The following SH3RF3 variants were observed in gnomAD, a reference collection of about 807,000 sequenced individuals.
SH3RF3 encodes SH3 domain containing ring finger 3.
SH3RF3 carries 29 observed loss-of-function variants against 66.3 expected under a neutral mutation model. The ratio of observed to expected loss-of-function variants is 0.44; its 90% CI spans 0.33 to 0.60. The LOEUF is 0.60. Among genes scored for constraint, SH3RF3 ranks in the 20% least tolerant of loss-of-function variants. SH3RF3 has a pLI of 0.04. For missense variants in SH3RF3, 1,194 were observed against 1,190.9 expected, an observed-to-expected ratio of 1.00 and a Z score of -0.04; for synonymous variants, 583 against 532.0, an observed-to-expected ratio of 1.10 and a Z score of -1.32.
intron 1 of SH3RF3, among the ~76,000 whole-genome samples, chr2:109,347,069 G>A (rs1319124249): frequency 1.3e-5 from 2 of 152,182 alleles, no homozygotes; most frequent in East Asian, 3.9e-4. Context: ...TCAGCACGAC[G>A]GATGCCATGC....
chr2:109,190,326 A>G (rs1238062205), intron 1 of SH3RF3, among the ~76,000 whole-genome samples: 1 of 152,216 alleles, frequency 6.6e-6, no homozygotes, highest in African/African-American at 2.4e-5. Context: ...GGCATCTGCC[A>G]CCACGCCTGG....
At chr2:109,338,542 A>G (rs1682481596) in intron 1 of SH3RF3, among the ~76,000 whole-genome samples, 1 of 152,092 alleles carries the variant, frequency 6.6e-6, no homozygotes, top group South Asian at 2.1e-4. Context: ...GGCACAGTCA[A>G]AAACCTGTGT....
At chr2:109,132,871 G>C (rs1223943009) in intron 1 of SH3RF3, among the ~76,000 whole-genome samples, 4 of 152,182 alleles carry the variant, frequency 2.6e-5, no homozygotes, top group Admixed American at 1.3e-4. Context: ...AGAGTTTTGT[G>C]GTTCCACATT....
chr2:109,147,667 G>T (rs1012101354), intron 1 of SH3RF3, among the ~76,000 whole-genome samples: 1 of 152,216 alleles, frequency 6.6e-6, no homozygotes, highest in African/African-American at 2.4e-5. Flanking sequence ...AATTGCCCAT[G>T]AAGTGACCTT....
chr2:109,396,296 C>T (rs898155980), intron 3 of SH3RF3, among the ~76,000 whole-genome samples: 1 of 152,166 alleles, frequency 6.6e-6, no homozygotes, highest in Non-Finnish European at 1.5e-5. Context: ...AACAGCTGAG[C>T]CTGGTTGGAG....
Position 109,461,648 on chromosome 2 carries a change from T to G in SH3RF3, c.2148+12159T>G, listed in dbSNP as rs1342051643. Among the ~76,000 whole-genome samples, 5 of 116,484 alleles carry G rather than the reference T, an allele frequency of 4.3e-5. No individual in the cohort carries two copies. In the East Asian group the frequency reaches 1.4e-3, roughly 32 times the overall value. 76.4% of individuals were successfully genotyped at this position (116,484 alleles called of 152,430 possible). On this transcript the variant is annotated intron_variant, in intron 8 of 9. Coordinates refer to ENST00000309415, the MANE Select transcript of SH3RF3 (RefSeq NM_001099289.3). ...TGATCCACCTGCCAGAGGCCCCACGTAGCATCCCTGTCTGTCCTAAAGACC... is the reference window on the plus strand; with the variant it reads ...TGATCCACCTGCCAGAGGCCCCACGGAGCATCCCTGTCTGTCCTAAAGACC...
chr2:109,302,540 G>A (rs1406557907), intron 1 of SH3RF3, among the ~76,000 whole-genome samples: 1 of 152,228 alleles, frequency 6.6e-6, no homozygotes, highest in Non-Finnish European at 1.5e-5. Context: ...CTAGGAGCTT[G>A]GGGACCAGGC....
At chr2:109,347,567 C>G in intron 1 of SH3RF3, 107 bp from the exon 2 acceptor site, 1 of 1,448,810 alleles carries the variant, frequency 6.9e-7, no homozygotes, top group Non-Finnish European at 9.3e-7. Context: ...GTATGCACCC[C>G]CAGGACACAG....
intron 1 of SH3RF3, among the ~76,000 whole-genome samples, chr2:109,178,098 C>A (rs1391862061): frequency 6.6e-6 from 1 of 152,186 alleles, no homozygotes; most frequent in Admixed American, 6.5e-5. Flanking sequence ...AAAATATTTT[C>A]TCTTTCTATA....
chr2:109,322,511 C>G (rs984598436), intron 1 of SH3RF3, among the ~76,000 whole-genome samples: 3 of 152,170 alleles, frequency 2.0e-5, no homozygotes, highest in African/African-American at 4.8e-5. Context: ...CTAAATAAGC[C>G]TATAAATAAT....
At chr2:109,337,373 C>T (rs927345906) in intron 1 of SH3RF3, among the ~76,000 whole-genome samples, 2 of 152,242 alleles carry the variant, frequency 1.3e-5, no homozygotes, top group African/African-American at 4.8e-5. Context: ...TGTCCTGTAA[C>T]TTCTCTGCAT....
intron 1 of SH3RF3, among the ~76,000 whole-genome samples, chr2:109,208,680 C>G (rs572285093): frequency 7.9e-6 from 1 of 127,322 alleles, no homozygotes; most frequent in African/African-American, 3.5e-5. Context: ...CAATAGATAA[C>G]CAGAATACTG....
At chr2:109,333,291 C>T (rs1049325860) in intron 1 of SH3RF3, among the ~76,000 whole-genome samples, 3 of 152,210 alleles carry the variant, frequency 2.0e-5, no homozygotes, top group African/African-American at 7.2e-5. Flanking sequence ...AGAGCCCTAG[C>T]ATATCCTTGC....
At chr2:109,271,842 C>T (rs1680633082) in intron 1 of SH3RF3, among the ~76,000 whole-genome samples, 1 of 152,224 alleles carries the variant, frequency 6.6e-6, no homozygotes, top group South Asian at 2.1e-4. Flanking sequence ...ATATAAGTAT[C>T]CTATAACTGG....
chr2:109,344,096 C>G (rs1414036166), intron 1 of SH3RF3, among the ~76,000 whole-genome samples: 1 of 152,156 alleles, frequency 6.6e-6, no homozygotes, highest in Non-Finnish European at 1.5e-5. Context: ...AGGCCTGACT[C>G]AGGACTAACC....
chr2:109,338,782 T>C (rs1222573181), intron 1 of SH3RF3, among the ~76,000 whole-genome samples: 1 of 152,208 alleles, frequency 6.6e-6, no homozygotes, highest in Non-Finnish European at 1.5e-5. Context: ...GGTCTCGAAC[T>C]CTTGACCTCA....
intron 6 of SH3RF3, among the ~76,000 whole-genome samples, 190 bp downstream of exon 6, chr2:109,432,861 A>G (rs1373405508): frequency 2.0e-5 from 3 of 152,166 alleles, no homozygotes; most frequent in Non-Finnish European, 4.4e-5. Flanking sequence ...TTTGCACTCA[A>G]CTCCTTGGCT....
rs6711134 is a variant in SH3RF3, at chr2:109,369,389, C to T, written c.850-2197C>T. Among the ~76,000 whole-genome samples, 904 of 152,268 alleles carry T rather than the reference C, an allele frequency of 5.9e-3. 7 individuals carry two copies. The highest frequency in any genetic ancestry group is 0.02 in the African/African-American group (825 of 41,554). ...AGAAAGAAAAGCCCCACACACTCAA[C>T]GCTGAGCGTTGCTGGAGGGACGCTC... On this transcript the variant is annotated intron_variant, in intron 2 of 9. Coordinates refer to ENST00000309415, the MANE Select transcript of SH3RF3 (RefSeq NM_001099289.3).
chr2:109,224,250 A>G (rs1679320188), intron 1 of SH3RF3, among the ~76,000 whole-genome samples: 1 of 152,226 alleles, frequency 6.6e-6, no homozygotes, highest in Non-Finnish European at 1.5e-5. Context: ...TATCAAAATT[A>G]GGTTTTTACC....
Sources: gnomAD v4.1 joint callset for allele counts (sites outside exome capture counted in the v4.1 genomes callset) on GRCh38, gnomAD v4.1.1 for gene constraint, MANE v1.5 for transcripts, NCBI Gene and HGNC (gene_info 2026-07-23, HGNC 2026-07-21) for gene names.